JAM2: variants seen among roughly 807,000 people sequenced by gnomAD.
The protein encoded by JAM2 is junctional adhesion molecule 2, also known as junctional adhesion molecule B.
JAM2 carries 17 observed loss-of-function variants against 42.0 expected under a neutral mutation model. The observed-to-expected ratio is 0.40, with a 90% CI of 0.28 to 0.61. The LOEUF (loss-of-function observed/expected upper bound fraction) is 0.61, where lower values mean the gene tolerates loss of function less well. JAM2 is among the 20% of genes least tolerant of loss of function. The probability of loss-of-function intolerance (pLI) is 0.37; values close to 1 mark genes in which losing one functional copy is unlikely to be tolerated. For missense variants in JAM2, 319 were observed against 358.3 expected (o/e 0.89, Z 0.89); for synonymous variants, 118 against 128.6 (o/e 0.92, Z 0.56).
chr21:25,692,266 C>A, intron 3 of JAM2: 1 of 157,266 alleles, frequency 6.4e-6, no homozygotes, highest in South Asian at 1.9e-4. Context: ...GTTGATGACT[C>A]TTTGCTAGAT....
At chr21:25,666,750 G>T (rs1355979045) in intron 1 of JAM2, among the ~76,000 whole-genome samples, 1 of 151,870 alleles carries the variant, frequency 6.6e-6, no homozygotes, top group Non-Finnish European at 1.5e-5. Flanking sequence ...TGCCCAGACT[G>T]GTCTCAAACT....
intron 1 of JAM2, among the ~76,000 whole-genome samples, chr21:25,680,784 A>T (rs2123363754): frequency 6.6e-6 from 1 of 152,200 alleles, no homozygotes; most frequent in South Asian, 2.1e-4. Context: ...GGATGGATGG[A>T]TGGATGGATG....
chr21:25,672,715 C>T (rs1308223226), intron 1 of JAM2, among the ~76,000 whole-genome samples: 1 of 152,192 alleles, frequency 6.6e-6, no homozygotes, highest in Non-Finnish European at 1.5e-5. Flanking sequence ...CAGACCATGT[C>T]TCATTAGTAA....
chr21:25,703,983 A>T (rs1201868290), intron 6 of JAM2, among the ~76,000 whole-genome samples: 1 of 152,108 alleles, frequency 6.6e-6, no homozygotes, highest in African/African-American at 2.4e-5. Context: ...ACAGAACAAG[A>T]CAATTTTTTG....
intron 1 of JAM2, among the ~76,000 whole-genome samples, chr21:25,683,269 G>A (rs1412606197): frequency 2.0e-5 from 3 of 152,168 alleles, no homozygotes; most frequent in East Asian, 3.9e-4. Flanking sequence ...GATCACAGTA[G>A]TGGTAGCCAC....
At chr21:25,678,201 G>A (rs2033544682) in intron 1 of JAM2, among the ~76,000 whole-genome samples, 1 of 152,070 alleles carries the variant, frequency 6.6e-6, no homozygotes, top group Non-Finnish European at 1.5e-5. Context: ...ACTCCAGCCT[G>A]GGCAATAGAG....
chr21:25,680,553 G>A (rs914479273), intron 1 of JAM2, among the ~76,000 whole-genome samples: 1 of 152,186 alleles, frequency 6.6e-6, no homozygotes, highest in Non-Finnish European at 1.5e-5. Context: ...AAGTTTGGGG[G>A]CAAGCTGATC....
chr21:25,699,117 G>GCAAAGGGGCAAAGGCTCCTGAAA (rs1208999528), intron 5 of JAM2, among the ~76,000 whole-genome samples: 3 of 152,164 alleles, frequency 2.0e-5, no homozygotes, highest in Non-Finnish European at 2.9e-5. Flanking sequence ...CAGTAAAAGA[G>GCAAAGGGGCAAAGGCTCCTGAAA]CAAAGGGGCA....
At chr21:25,645,852 TGTAA>T (rs1409627877) in intron 1 of JAM2, among the ~76,000 whole-genome samples, 1 of 152,226 alleles carries the variant, frequency 6.6e-6, no homozygotes, top group Non-Finnish European at 1.5e-5. Context: ...GGTAAACAGT[TGTAA>T]GTATTTGTGT....
Position 25,683,907 on chromosome 21 carries a change from C to T in JAM2, c.92C>T (p.Ala31Val). 6.2e-7 allele frequency: 1 copy of T among 1,608,068 alleles called. No homozygotes were observed. The highest frequency in any genetic ancestry group is 1.7e-5 in the Admixed American group (1 of 59,760). The change falls in exon 2 of 10, where the codon GCC becomes GTC. Residue 31 changes from alanine to valine, a missense_variant. Physicochemically the swap from Ala to Val is moderately conservative, Grantham distance 64 (BLOSUM62 0). Coordinates refer to ENST00000480456, the MANE Select transcript of JAM2 (RefSeq NM_021219.4). ...LGYHKAYGFS[A>V]PKDQQVVTAV... ...GATCATAAGGCCTATGGGTTTTCTGCCCCAAAAGACCAACAAGTAGTCACA... is the reference window on the plus strand; with the variant it reads ...GATCATAAGGCCTATGGGTTTTCTGTCCCAAAAGACCAACAAGTAGTCACA...
intron 1 of JAM2, among the ~76,000 whole-genome samples, chr21:25,655,960 T>C (rs937680022): frequency 6.6e-6 from 1 of 151,806 alleles, no homozygotes; most frequent in Non-Finnish European, 1.5e-5. Context: ...AGAAAACCAA[T>C]TCAACCCTGT....
intron 1 of JAM2, among the ~76,000 whole-genome samples, chr21:25,651,510 T>C (rs1020285187): frequency 3.3e-5 from 5 of 152,190 alleles, no homozygotes; most frequent in African/African-American, 1.2e-4. Flanking sequence ...ACAACTGCTA[T>C]GGAGCAGCAA....
At chr21:25,685,682 G>A (rs760655041) in intron 2 of JAM2, among the ~76,000 whole-genome samples, 5 of 152,056 alleles carry the variant, frequency 3.3e-5, no homozygotes, top group African/African-American at 7.2e-5. Context: ...AGTTTTAAAC[G>A]GAGAGAGGTG....
chr21:25,705,058 G>C (rs2034243811), intron 6 of JAM2, among the ~76,000 whole-genome samples: 1 of 152,166 alleles, frequency 6.6e-6, no homozygotes, highest in Non-Finnish European at 1.5e-5. Flanking sequence ...AACAGTCATA[G>C]GAAAAGCCTC....
rs541686767 is a variant in JAM2 at position 25,662,540 on chromosome 21, A to G, written c.68-21343A>G. Reference sequence around the variant, plus strand: ...GTGATCATAGCTCACTGTAGCCTCAACCTCCTGGGCTTAAGTGATCCTCCT... The same window carrying G: ...GTGATCATAGCTCACTGTAGCCTCAGCCTCCTGGGCTTAAGTGATCCTCCT... On this transcript the variant is annotated intron_variant, in intron 1 of 9. Coordinates refer to ENST00000480456, the MANE Select transcript of JAM2 (RefSeq NM_021219.4). 6.7e-4 allele frequency among the ~76,000 whole-genome samples: 102 copies of G among 152,102 alleles called. 1 individual carries two copies. Among genetic ancestry groups the G allele is most frequent in the African/African-American group, 2.2e-3 (93 of 41,478 alleles).
chr21:25,697,352 T>C (rs2034061336), intron 4 of JAM2, among the ~76,000 whole-genome samples: 1 of 152,178 alleles, frequency 6.6e-6, no homozygotes, highest in Non-Finnish European at 1.5e-5. Context: ...GGAAAAAAAG[T>C]GTATTTATAC....
chr21:25,697,627 C>T (rs145208793), intron 4 of JAM2, among the ~76,000 whole-genome samples: 42 of 152,226 alleles, frequency 2.8e-4, no homozygotes, highest in East Asian at 2.7e-3. Flanking sequence ...TTTGGCTGGG[C>T]GTGGTGGCTC....
At chr21:25,697,423 G>A (rs879808428) in intron 4 of JAM2, among the ~76,000 whole-genome samples, 3 of 152,080 alleles carry the variant, frequency 2.0e-5, no homozygotes, top group African/African-American at 7.2e-5. Context: ...TGCAATCTTG[G>A]GAGACTACCT....
chr21:25,678,148 C>T (rs2033543301), intron 1 of JAM2, among the ~76,000 whole-genome samples: 1 of 152,166 alleles, frequency 6.6e-6, no homozygotes, highest in Non-Finnish European at 1.5e-5. Context: ...ATCATTTGAA[C>T]TCAGGAGGTG....
Sources: allele counts gnomAD v4.1 joint callset (sites outside exome capture counted in the v4.1 genomes callset), GRCh38; gene constraint gnomAD v4.1.1; transcripts MANE v1.5; gene names NCBI Gene and HGNC (gene_info 2026-07-23, HGNC 2026-07-21).